The following ST7 variants were observed in gnomAD, a reference collection of about 807,000 sequenced individuals.
ST7 encodes suppressor of tumorigenicity 7 protein.
ST7 carries 28 observed loss-of-function variants against 78.7 expected under a neutral mutation model. The ratio of observed to expected loss-of-function variants is 0.36; its 90% CI spans 0.26 to 0.49. The LOEUF is 0.49. ST7 is among the 20% of genes least tolerant of loss of function. The pLI is 0.99. For missense variants in ST7, 418 were observed against 696.0 expected (o/e 0.60, Z 4.49); for synonymous variants, 247 against 249.6 (o/e 0.99, Z 0.10).
intron 9 of ST7, among the ~76,000 whole-genome samples, chr7:117,160,653 G>GTATATATATATATA (rs1554443282): frequency 2.0e-5 from 3 of 147,624 alleles, no homozygotes; most frequent in African/African-American, 7.6e-5. Context: ...GTGTGTGTGT[G>GTATATATATATATA]TATATATATA....
chr7:116,982,382 G>A (rs1483241881), intron 1 of ST7, among the ~76,000 whole-genome samples: 4 of 151,886 alleles, frequency 2.6e-5, no homozygotes, highest in East Asian at 1.9e-4. Flanking sequence ...GCACCATCAC[G>A]CCCGGCTAAT....
chr7:116,992,398 G>A (rs1241589090), intron 1 of ST7, among the ~76,000 whole-genome samples: 1 of 152,194 alleles, frequency 6.6e-6, no homozygotes, highest in Non-Finnish European at 1.5e-5. Flanking sequence ...GCATCTGCAG[G>A]TTCAACACCA....
intron 2 of ST7, 123 bp from the exon 3 acceptor site, chr7:117,119,438 A>T: frequency 1.0e-6 from 1 of 964,160 alleles, no homozygotes; most frequent in Middle Eastern, 3.4e-4. Flanking sequence ...TTTTAGAATA[A>T]ACAGTTTTTG....
At chr7:116,995,347 A>T (rs557517972) in intron 1 of ST7, among the ~76,000 whole-genome samples, 2 of 152,234 alleles carry the variant, frequency 1.3e-5, no homozygotes, top group South Asian at 4.1e-4. Context: ...ACATATATAC[A>T]TATCTAAGTT....
chr7:117,203,298 G>A (rs1427521397), intron 12 of ST7, among the ~76,000 whole-genome samples: 1 of 152,218 alleles, frequency 6.6e-6, no homozygotes, highest in Non-Finnish European at 1.5e-5. Flanking sequence ...AGTTCCTAAA[G>A]CCTTCATTTT....
At chr7:117,080,866 T>C (rs1326344577) in intron 1 of ST7, 2 of 152,222 alleles carry the variant, frequency 1.3e-5, no homozygotes, top group Non-Finnish European at 2.9e-5. Context: ...AATACCAACC[T>C]TATTTATGCC....
At chr7:117,027,614 G>A (rs1184290535) in intron 1 of ST7, among the ~76,000 whole-genome samples, 1 of 152,102 alleles carries the variant, frequency 6.6e-6, no homozygotes, top group Non-Finnish European at 1.5e-5. Context: ...GGGACATGGT[G>A]GCCCATACCT....
At chr7:117,154,174 G>A (rs1435316130) in intron 9 of ST7, among the ~76,000 whole-genome samples, 1 of 152,116 alleles carries the variant, frequency 6.6e-6, no homozygotes, top group African/African-American at 2.4e-5. Context: ...GGTCATGAGG[G>A]TAGAGCCCTT....
In ST7 at chr7:117,173,981, T is replaced by G. The variant is rs111316223; in HGVS notation, c.1078+3005T>G. Reference sequence around the variant, plus strand: ...AGAAGGGAGGCAAAATGTATTCCCCTTGTCTCATTGTTCTTCACCACCTTA... The same window carrying G: ...AGAAGGGAGGCAAAATGTATTCCCCGTGTCTCATTGTTCTTCACCACCTTA... On this transcript the variant is annotated intron_variant, in intron 10 of 15. Coordinates refer to ENST00000323984, the MANE Select transcript of ST7 (RefSeq NM_001369598.1). Among the ~76,000 whole-genome samples the G allele has an allele frequency of 1.8e-3, 268 of 152,292 alleles. 1 individual carries two copies. Among genetic ancestry groups the G allele is most frequent in the African/African-American group, 4.2e-3 (173 of 41,568 alleles).
chr7:117,136,418 C>CAATGAAGCTGTAAG, intron 8 of ST7, 183 bp downstream of exon 8: 3 of 672,702 alleles, frequency 4.5e-6, no homozygotes, highest in African/African-American at 1.8e-5. Flanking sequence ...TAACTTACAG[C>CAATGAAGCTGTAAG]TTCATTGCTG....
chr7:117,180,921 G>C (rs1295026351), intron 10 of ST7, among the ~76,000 whole-genome samples: 1 of 152,110 alleles, frequency 6.6e-6, no homozygotes, highest in Non-Finnish European at 1.5e-5. Flanking sequence ...CAAAGTGCTG[G>C]GATTACAGGT....
At chr7:117,151,964 A>G (rs1806278391) in intron 9 of ST7, among the ~76,000 whole-genome samples, 1 of 151,546 alleles carries the variant, frequency 6.6e-6, no homozygotes, top group South Asian at 2.1e-4. Flanking sequence ...TACTAAAAAT[A>G]CAAAAATTAG....
chr7:117,063,658 G>A (rs1184224383), intron 1 of ST7, among the ~76,000 whole-genome samples: 10 of 152,140 alleles, frequency 6.6e-5, no homozygotes, highest in African/African-American at 1.7e-4. Flanking sequence ...GAAGTGAGCC[G>A]AGATTGTACC....
intron 10 of ST7, among the ~76,000 whole-genome samples, chr7:117,181,715 G>A (rs1277091861): frequency 6.6e-6 from 1 of 152,074 alleles, no homozygotes; most frequent in East Asian, 1.9e-4. Flanking sequence ...TTGACCACAG[G>A]AAAAAAGATG....
At chr7:117,098,306 G>T (rs957044330) in intron 1 of ST7, among the ~76,000 whole-genome samples, 2 of 151,700 alleles carry the variant, frequency 1.3e-5, no homozygotes, top group Non-Finnish European at 2.9e-5. Flanking sequence ...CTTGAGGCAG[G>T]TCCTTTCCTC....
At chr7:117,212,698 CT>C (rs1295798569) in intron 13 of ST7, among the ~76,000 whole-genome samples, 1 of 152,042 alleles carries the variant, frequency 6.6e-6, no homozygotes, top group East Asian at 1.9e-4. Context: ...TAAGTAATTT[CT>C]TTTTTCTTCA....
In ST7 at chr7:117,133,980, A is replaced by G. The variant is rs17139375; in HGVS notation, c.642-144A>G. Reference sequence around the variant, plus strand: ...CATTTTTCCTTCTGAATCTCATGCCATTGAATCATGCCTCTTTTCTTTGAA... The same window carrying G: ...CATTTTTCCTTCTGAATCTCATGCCGTTGAATCATGCCTCTTTTCTTTGAA... On this transcript the variant is annotated intron_variant, in intron 6 of 15. Transcript: ENST00000323984. 916 of 1,070,750 alleles carry G rather than the reference A, an allele frequency of 8.6e-4. 1 individual carries two copies. The African/African-American group carries it at 0.013, about 16-fold the overall frequency. The allele number at this position is 1,070,750 out of a possible 1,614,324, so 66.3% of individuals were successfully genotyped here. A position where few individuals can be genotyped will look rare whatever the true frequency, so the allele number is the denominator to read the frequency against.
intron 10 of ST7, chr7:117,182,846 T>A (rs1189970330): frequency 6.6e-6 from 1 of 152,204 alleles, no homozygotes; most frequent in Non-Finnish European, 1.5e-5. Context: ...TTCTGAAGAA[T>A]ATGTCAGTTG....
chr7:117,052,359 A>AT (rs970126343), intron 1 of ST7, among the ~76,000 whole-genome samples: 62 of 151,526 alleles, frequency 4.1e-4, no homozygotes, highest in African/African-American at 1.4e-3. Context: ...CTTTCAGCTG[A>AT]TTTTTTTTTC....
Sources: allele counts gnomAD v4.1 joint callset (sites outside exome capture counted in the v4.1 genomes callset), GRCh38; gene constraint gnomAD v4.1.1; transcripts MANE v1.5; gene names NCBI Gene and HGNC (gene_info 2026-07-23, HGNC 2026-07-21).